ZNF678: variants seen among roughly 807,000 people sequenced by gnomAD.
ZNF678 encodes the protein zinc finger protein 678.
A neutral mutation model predicts 3.0 loss-of-function variants in ZNF678; 5 were observed. That is an observed-to-expected ratio of 1.69 (90% CI 0.88 to 3.56). ZNF678 has a LOEUF of 3.56. Among genes scored for constraint, ZNF678 ranks in the 30% most tolerant of loss-of-function variants. ZNF678 has a pLI of 0.00. For synonymous variants in ZNF678, 218 were observed against 199.6 expected (o/e 1.09, Z -0.78); for missense variants, 593 against 605.0 (o/e 0.98, Z 0.21).
At chr1:227,598,806 TC>T (rs1657659864) in intron 1 of ZNF678, 1 of 557,076 alleles carries the variant, frequency 1.8e-6, no homozygotes, top group South Asian at 1.7e-5. Context: ...ATTTTCACAA[TC>T]AGAAGAACTG....
In ZNF678 at chr1:227,654,968, A is replaced by C; in HGVS notation, c.718A>C (p.Lys240Gln). The C allele has an allele frequency of 6.2e-7, 1 of 1,611,424 alleles. No individual in the cohort carries two copies. The highest frequency in any genetic ancestry group is 8.5e-7 in the Non-Finnish European group (1 of 1,179,126). The change falls in exon 4 of 4, where the codon AAA becomes CAA. Residue 240 changes from lysine (K) to glutamine (Q), a missense_variant. Physicochemically the swap from Lys to Gln is moderately conservative, Grantham distance 53. Coordinates refer to ENST00000343776, the MANE Select transcript of ZNF678 (RefSeq NM_001367909.1). ...TACTGGAGAGAAACCCTACAAATGC[A>C]AAGAATGTTGCAAAGCCTTTAACAA... Reference protein sequence around the residue: ...IHTGEKPYKCKECCKAFNKFS... With the variant: ...IHTGEKPYKCQECCKAFNKFS...
chr1:227,605,656 C>T (rs1657847151), intron 1 of ZNF678, among the ~76,000 whole-genome samples: 1 of 152,100 alleles, frequency 6.6e-6, no homozygotes, highest in Non-Finnish European at 1.5e-5. Context: ...AAATTTTTTT[C>T]TGTCAATGAT....
intron 1 of ZNF678, among the ~76,000 whole-genome samples, chr1:227,626,919 C>T (rs1658433631): frequency 6.6e-6 from 1 of 151,570 alleles, no homozygotes; most frequent in Admixed American, 6.6e-5. Flanking sequence ...GCCTTTATTA[C>T]CTCATGGGCC....
intron 1 of ZNF678, among the ~76,000 whole-genome samples, chr1:227,621,954 A>G (rs551673716): frequency 1.1e-4 from 16 of 152,366 alleles, no homozygotes; most frequent in African/African-American, 3.8e-4. Flanking sequence ...CTGGTATAGC[A>G]TCACATGACA....
chr1:227,583,882 TCTA>T (rs1657194641), intron 1 of ZNF678, among the ~76,000 whole-genome samples: 1 of 152,218 alleles, frequency 6.6e-6, no homozygotes, highest in Admixed American at 6.5e-5. Flanking sequence ...AATCACCATT[TCTA>T]CTGTAGAGAT....
chr1:227,637,124 A>G (rs951682085), intron 1 of ZNF678, among the ~76,000 whole-genome samples: 19 of 152,238 alleles, frequency 1.2e-4, no homozygotes, highest in African/African-American at 3.6e-4. Context: ...CAAACCAAGT[A>G]GAGGAGGCAT....
chr1:227,581,692 G>A (rs1045674844), intron 1 of ZNF678, among the ~76,000 whole-genome samples: 1 of 151,926 alleles, frequency 6.6e-6, no homozygotes, highest in Non-Finnish European at 1.5e-5. Flanking sequence ...GTCTAGTTTG[G>A]GACTATTATG....
Position 227,656,124 on chromosome 1 carries a change from T to C in ZNF678, c.*296T>C, listed in dbSNP as rs1197009395. On this transcript the variant is annotated 3_prime_UTR_variant, in exon 4 of 4. Transcript: ENST00000343776. ...TGTGGAAAAACATTTTTTCAAGATATATGCCTTAGAAAACACCAGAGTTTA... is the reference window on the plus strand; with the variant it reads ...TGTGGAAAAACATTTTTTCAAGATACATGCCTTAGAAAACACCAGAGTTTA... 1.4e-5 allele frequency: 3 copies of C among 212,988 alleles called. No individual in the cohort carries two copies. Among genetic ancestry groups the C allele is most frequent in the Non-Finnish European group, 9.3e-6 (1 of 107,510 alleles). The allele number at this position is 212,988 out of a possible 1,614,324, so 13.2% of individuals were successfully genotyped here.
chr1:227,625,784 T>A (rs1390856726), intron 1 of ZNF678, among the ~76,000 whole-genome samples: 1 of 152,138 alleles, frequency 6.6e-6, no homozygotes, highest in Admixed American at 6.5e-5. Flanking sequence ...TTCCTTTACG[T>A]GTTTTTCTCT....
chr1:227,581,235 T>C (rs1237434166), intron 1 of ZNF678, among the ~76,000 whole-genome samples: 2 of 151,820 alleles, frequency 1.3e-5, no homozygotes, highest in East Asian at 1.9e-4. Context: ...ATTATACATA[T>C]ATAAATATAC....
chr1:227,651,210 C>A, intron 3 of ZNF678, 134 bp downstream of exon 3: 1 of 964,522 alleles, frequency 1.0e-6, no homozygotes, highest in Non-Finnish European at 1.5e-6. Flanking sequence ...GGCTTATTAC[C>A]AGGGGCTTGT....
Position 227,661,736 on chromosome 1 carries a change from T to C in ZNF678, c.*5908T>C, listed in dbSNP as rs1209218863. 1 of 152,172 alleles carries C rather than the reference T, an allele frequency of 6.6e-6. No individual in the cohort carries two copies. Among genetic ancestry groups the C allele is most frequent in the Non-Finnish European group, 1.5e-5 (1 of 68,062 alleles). The allele number at this position is 152,172 out of a possible 1,614,324, so 9.4% of individuals were successfully genotyped here. On this transcript the variant is annotated 3_prime_UTR_variant, in exon 4 of 4. Coordinates refer to ENST00000343776, the MANE Select transcript of ZNF678 (RefSeq NM_001367909.1). ...CAGTGTGTCTTGGAAGGGACAAACA[T>C]TGAGCTTCTGAACAGCTACTCCAGA...
At position 227,563,573 on chromosome 1, in the gene ZNF678, G is replaced by A. The variant is rs1178964136; in HGVS notation, c.-315G>A. On this transcript the variant is annotated 5_prime_UTR_variant, in exon 1 of 4. Transcript: ENST00000343776. The stretch of plus-strand genomic sequence containing the variant: ...GGCGGGGCCTTTGTCTTGTGCTCCA[G>A]CTGGAGCTTTGGTCCCGTATTCTCG... 3.1e-5 allele frequency: 25 copies of A among 799,894 alleles called. No homozygotes were observed. Among genetic ancestry groups the A allele is most frequent in the Non-Finnish European group, 4.7e-5 (25 of 529,072 alleles). The allele number at this position is 799,894 out of a possible 1,614,324, so 49.5% of individuals were successfully genotyped here.
At chr1:227,629,399 A>G (rs879470482) in intron 1 of ZNF678, among the ~76,000 whole-genome samples, 2 of 152,252 alleles carry the variant, frequency 1.3e-5, no homozygotes, top group Non-Finnish European at 2.9e-5. Context: ...TCTCTCCCTA[A>G]CAAAGGAGTG....
intron 1 of ZNF678, among the ~76,000 whole-genome samples, chr1:227,582,165 A>G (rs559722825): frequency 4.2e-5 from 6 of 143,746 alleles, no homozygotes; most frequent in African/African-American, 1.4e-4. Context: ...ATTGTCAGAT[A>G]TATACACACG....
At chr1:227,567,384 A>G (rs988418777) in intron 1 of ZNF678, among the ~76,000 whole-genome samples, 2 of 152,210 alleles carry the variant, frequency 1.3e-5, no homozygotes, top group Non-Finnish European at 2.9e-5. Flanking sequence ...GTCTGAGCCC[A>G]GTGACTCTAA....
At chr1:227,671,352 C>T (rs1438515462) in intron 5 of ZNF678, among the ~76,000 whole-genome samples, 2 of 152,030 alleles carry the variant, frequency 1.3e-5, no homozygotes, top group Non-Finnish European at 2.9e-5. Flanking sequence ...GGATGTCCCG[C>T]CATATTTGCA....
chr1:227,626,645 G>A (rs1658422964), intron 1 of ZNF678, among the ~76,000 whole-genome samples: 1 of 152,122 alleles, frequency 6.6e-6, no homozygotes, highest in Non-Finnish European at 1.5e-5. Flanking sequence ...TTTGGGGAGA[G>A]TTTCGGATTC....
At chr1:227,635,679 T>C (rs761243759) in intron 1 of ZNF678, among the ~76,000 whole-genome samples, 1 of 152,050 alleles carries the variant, frequency 6.6e-6, no homozygotes, top group East Asian at 1.9e-4. Flanking sequence ...GCTGGAAGTG[T>C]CCTAGTCTGA....
Sources: gnomAD v4.1 joint callset for allele counts (sites outside exome capture counted in the v4.1 genomes callset) on GRCh38, gnomAD v4.1.1 for gene constraint, MANE v1.5 for transcripts, NCBI Gene and HGNC (gene_info 2026-07-23, HGNC 2026-07-21) for gene names.